The following ZNF385D variants were observed in gnomAD, a reference collection of about 807,000 sequenced individuals.
ZNF385D encodes the protein zinc finger protein 385D, also known as zinc finger protein 659.
ZNF385D carries 15 observed loss-of-function variants against 35.8 expected under a neutral mutation model. That is an observed-to-expected ratio of 0.42 (90% CI 0.28 to 0.64). ZNF385D has a LOEUF of 0.64. Ranked by LOEUF, ZNF385D falls within the 30% of genes least tolerant of loss-of-function variation. The pLI is 0.23. For synonymous variants in ZNF385D, 212 were observed against 186.8 expected (o/e 1.13, Z -1.10); for missense variants, 474 against 494.6 (o/e 0.96, Z 0.39).
chr3:21,935,971 T>C (rs1335101634), intron 3 of ZNF385D, among the ~76,000 whole-genome samples: 1 of 152,024 alleles, frequency 6.6e-6, no homozygotes, highest in Non-Finnish European at 1.5e-5. Context: ...TGCAACAGAA[T>C]AGGGGAACAA....
At chr3:21,815,169 G>A (rs1018187795) in intron 3 of ZNF385D, among the ~76,000 whole-genome samples, 7 of 152,144 alleles carry the variant, frequency 4.6e-5, no homozygotes, top group Admixed American at 6.5e-5. Flanking sequence ...GAATCTCTGG[G>A]ACACATTTAA....
intron 2 of ZNF385D, among the ~76,000 whole-genome samples, chr3:22,201,780 T>G (rs971514895): frequency 6.6e-6 from 1 of 151,698 alleles, no homozygotes. Context: ...ACTATAAAAT[T>G]AAACAACTGA....
intron 1 of ZNF385D, among the ~76,000 whole-genome samples, chr3:21,709,162 G>A (rs1231356118): frequency 6.6e-6 from 1 of 152,046 alleles, no homozygotes; most frequent in Non-Finnish European, 1.5e-5. Context: ...GAGTATTAGT[G>A]GATACCATAA....
chr3:21,914,925 T>TAA (rs200010454), intron 3 of ZNF385D, among the ~76,000 whole-genome samples: 1 of 137,724 alleles, frequency 7.3e-6, no homozygotes. Context: ...AAAAATTCAG[T>TAA]AAAAAAAAAA....
intron 3 of ZNF385D, among the ~76,000 whole-genome samples, chr3:21,828,107 C>T (rs1694764336): frequency 6.6e-6 from 1 of 152,116 alleles, no homozygotes; most frequent in African/African-American, 2.4e-5. Context: ...AAATATAAAC[C>T]ATGAATTAAC....
At chr3:22,171,252 G>C (rs757823858) in intron 2 of ZNF385D, among the ~76,000 whole-genome samples, 6 of 152,078 alleles carry the variant, frequency 3.9e-5, no homozygotes, top group Admixed American at 1.3e-4. Context: ...CATCATTTTT[G>C]CTAAATGTAT....
intron 3 of ZNF385D, among the ~76,000 whole-genome samples, chr3:22,061,853 T>G (rs1037870233): frequency 1.3e-5 from 2 of 152,214 alleles, no homozygotes; most frequent in African/African-American, 2.4e-5. Context: ...TCTAGTTATT[T>G]GTTTATTGAT....
Position 21,840,758 on chromosome 3 carries a change from C to T in ZNF385D, c.326-175730G>A, listed in dbSNP as rs549400675. Among the ~76,000 whole-genome samples the T allele has an allele frequency of 5.9e-4, 89 of 152,102 alleles. 1 individual carries two copies. Among genetic ancestry groups the T allele is most frequent in the Admixed American group, 1.0e-3 (16 of 15,240 alleles). On this transcript the variant is annotated intron_variant, in intron 3 of 5. Transcript: ENST00000494108. The stretch of plus-strand genomic sequence containing the variant: ...TTGCTTTTGGAATGTGGTTGGACCG[C>T]ACTTTTTTTCATTCATTCAAAAAAG...
At chr3:22,095,062 C>T (rs1313951200) in intron 3 of ZNF385D, among the ~76,000 whole-genome samples, 4 of 151,048 alleles carry the variant, frequency 2.6e-5, no homozygotes, top group Admixed American at 2.0e-4. Context: ...CATGCATCAC[C>T]ATGCCCAGTT....
intron 4 of ZNF385D, among the ~76,000 whole-genome samples, chr3:21,502,355 TCTCCCCTGTGAAAAGGATCTGTAAG>T (rs900792083): frequency 1.3e-5 from 2 of 152,154 alleles, no homozygotes; most frequent in African/African-American, 4.8e-5. Flanking sequence ...CCTGTTCCAC[TCTCCCCTGTGAAAAGGATCTGTAAG>T]TTTCTAGATT....
chr3:21,501,843 T>C (rs1338778745), intron 4 of ZNF385D, among the ~76,000 whole-genome samples: 1 of 152,236 alleles, frequency 6.6e-6, no homozygotes, highest in Non-Finnish European at 1.5e-5. Context: ...GTGTGGCATC[T>C]GCAGACAAAG....
chr3:22,299,432 T>C (rs984875582), intron 2 of ZNF385D, among the ~76,000 whole-genome samples: 2 of 151,664 alleles, frequency 1.3e-5, no homozygotes, highest in African/African-American at 4.8e-5. Flanking sequence ...TGGAGGAATA[T>C]ATATAAGTAA....
chr3:22,333,097 G>T (rs1695012532), intron 2 of ZNF385D, among the ~76,000 whole-genome samples: 1 of 152,060 alleles, frequency 6.6e-6, no homozygotes, highest in South Asian at 2.1e-4. Flanking sequence ...TAGCTTGGCA[G>T]TCCTTTTCTT....
At position 21,851,798 on chromosome 3, in the gene ZNF385D, C is replaced by T. The variant is rs548916208; in HGVS notation, c.326-186770G>A. Among the ~76,000 whole-genome samples, 48 of 152,006 alleles carry T rather than the reference C, an allele frequency of 3.2e-4. 1 individual carries two copies. The highest frequency in any genetic ancestry group is 9.2e-4 in the African/African-American group (38 of 41,522). On this transcript the variant is annotated intron_variant, in intron 3 of 5. Coordinates refer to the ZNF385D transcript ENST00000494108. ...GTCAGTCTGTAGTCTCTCATTTTATCCTTCTACTTCTTCTCTAATATTGGG... is the reference window on the plus strand; with the variant it reads ...GTCAGTCTGTAGTCTCTCATTTTATTCTTCTACTTCTTCTCTAATATTGGG...
At chr3:22,226,109 A>C (rs1698542098) in intron 2 of ZNF385D, among the ~76,000 whole-genome samples, 1 of 152,120 alleles carries the variant, frequency 6.6e-6, no homozygotes, top group African/African-American at 2.4e-5. Flanking sequence ...CTCTCTCCCA[A>C]AGTAAATGGA....
chr3:21,913,498 A>G (rs887450395), intron 3 of ZNF385D, among the ~76,000 whole-genome samples: 4 of 152,152 alleles, frequency 2.6e-5, no homozygotes, highest in Non-Finnish European at 5.9e-5. Flanking sequence ...TATTATGCTC[A>G]TCCTTACAGT....
intron 4 of ZNF385D, among the ~76,000 whole-genome samples, chr3:21,488,413 C>T (rs1321259325): frequency 2.0e-5 from 3 of 151,796 alleles, no homozygotes; most frequent in Admixed American, 2.0e-4. Flanking sequence ...CACAGAGATT[C>T]TAAATAACTG....
intron 3 of ZNF385D, among the ~76,000 whole-genome samples, chr3:22,043,881 G>A (rs1698824028): frequency 6.6e-6 from 1 of 152,062 alleles, no homozygotes; most frequent in African/African-American, 2.4e-5. Context: ...TCCCTAAGAA[G>A]ATGATCATGT....
intron 2 of ZNF385D, among the ~76,000 whole-genome samples, chr3:22,188,511 G>A (rs148068028): frequency 0.02 from 2,991 of 151,628 alleles, 110 homozygotes; most frequent in African/African-American, 0.068. Context: ...GTCCAGTGGC[G>A]CGATCTCTGC....
Sources: gnomAD v4.1 joint callset for allele counts (sites outside exome capture counted in the v4.1 genomes callset) on GRCh38, gnomAD v4.1.1 for gene constraint, MANE v1.5 for transcripts, NCBI Gene and HGNC (gene_info 2026-07-23, HGNC 2026-07-21) for gene names.